The following DNAH11 variants were observed in gnomAD, a reference collection of about 807,000 sequenced individuals.
DNAH11 encodes axonemal beta dynein heavy chain 11.
A neutral mutation model predicts 526.0 loss-of-function variants in DNAH11; 442 were observed. That is an observed-to-expected ratio of 0.84 (90% CI 0.78 to 0.91). The LOEUF (loss-of-function observed/expected upper bound fraction) is 0.91, where lower values mean the gene tolerates loss of function less well. Among genes scored for constraint, DNAH11 ranks in the 40% least tolerant of loss-of-function variants. The probability of loss-of-function intolerance (pLI) is 0.00; values close to 1 mark genes in which losing one functional copy is unlikely to be tolerated. For synonymous variants in DNAH11, 2,461 were observed against 1,935.9 expected (o/e 1.27, Z -7.12); for missense variants, 6,989 against 5,448.7 (o/e 1.28, Z -8.90).
At chr7:21,897,752 G>A (rs1311187357) in intron 79 of DNAH11, among the ~76,000 whole-genome samples, 3 of 152,118 alleles carry the variant, frequency 2.0e-5, no homozygotes, top group Non-Finnish European at 4.4e-5. Context: ...TAGTAGCTGG[G>A]ATTACAGGCA....
At chr7:21,763,444 A>G (rs890781516) in intron 54 of DNAH11, among the ~76,000 whole-genome samples, 1 of 152,052 alleles carries the variant, frequency 6.6e-6, no homozygotes, top group Non-Finnish European at 1.5e-5. Context: ...CAAAACCACA[A>G]TGAAGCATCA....
intron 25 of DNAH11, among the ~76,000 whole-genome samples, chr7:21,629,620 T>G (rs901567505): frequency 1.3e-5 from 2 of 152,162 alleles, no homozygotes; most frequent in Non-Finnish European, 2.9e-5. Context: ...AGATATTTAA[T>G]ACTTATAATT....
intron 30 of DNAH11, among the ~76,000 whole-genome samples, 167 bp downstream of exon 30, chr7:21,659,198 C>A (rs560451861): frequency 6.6e-6 from 1 of 150,458 alleles, no homozygotes; most frequent in East Asian, 2.0e-4. Context: ...TTTGTGGTAT[C>A]CTTCTAGATT....
At chr7:21,875,305 A>G (rs1039536071) in intron 74 of DNAH11, among the ~76,000 whole-genome samples, 1 of 152,196 alleles carries the variant, frequency 6.6e-6, no homozygotes, top group African/African-American at 2.4e-5. Flanking sequence ...AATTTGATTT[A>G]TTTAAATAGG....
intron 45 of DNAH11, among the ~76,000 whole-genome samples, chr7:21,734,472 C>G (rs1361754048): frequency 6.6e-6 from 1 of 152,220 alleles, no homozygotes; most frequent in Non-Finnish European, 1.5e-5. Context: ...ACAGAACAGT[C>G]TGTCTTTTAG....
chr7:21,710,257 C>T (rs547664153), intron 40 of DNAH11, among the ~76,000 whole-genome samples: 20 of 152,200 alleles, frequency 1.3e-4, no homozygotes, highest in East Asian at 9.7e-4. Context: ...GTTTTAGGTA[C>T]GTTACCTTCT....
At chr7:21,726,220 G>T (rs972533153) in intron 45 of DNAH11, among the ~76,000 whole-genome samples, 12 of 152,062 alleles carry the variant, frequency 7.9e-5, no homozygotes, top group Admixed American at 7.9e-4. Context: ...AGTGAGGGGG[G>T]AGGTGCTGCA....
chr7:21,556,482 T>A (rs1783220702), intron 2 of DNAH11, among the ~76,000 whole-genome samples: 1 of 152,208 alleles, frequency 6.6e-6, no homozygotes. Flanking sequence ...AGTCTCCCAG[T>A]AGGTAATGCA....
chr7:21,649,698 C>T (rs912882599), intron 28 of DNAH11, among the ~76,000 whole-genome samples: 2 of 150,266 alleles, frequency 1.3e-5, no homozygotes, highest in Non-Finnish European at 3.0e-5. Context: ...CACTCTGTCA[C>T]CCATGCTGGA....
rs2128473923 is a variant in DNAH11, at chr7:21,687,133, A to G, written c.5656A>G (p.Thr1886Ala). The G allele has an allele frequency of 6.2e-7, 1 of 1,613,536 alleles. No individual in the cohort carries two copies. The highest frequency in any genetic ancestry group is 1.7e-4 in the Middle Eastern group (1 of 6,060). The change falls in exon 33 of 82, where the codon ACC (threonine) becomes GCC (alanine). Residue 1886 changes from threonine to alanine, a missense_variant. By Grantham distance (58) the Thr-to-Ala change is moderately conservative. Transcript: ENST00000409508. ...TACCTTAACTCAATCACTTCATCTA[A>G]CCATGAGTGGGGCTCCTGCTGGCCC... ...YITLTQSLHL[T>A]MSGAPAGPAG...
chr7:21,885,050 A>G (rs1226415398), intron 76 of DNAH11, among the ~76,000 whole-genome samples: 3 of 151,082 alleles, frequency 2.0e-5, no homozygotes, highest in Non-Finnish European at 1.5e-5. Context: ...ATAAATATAT[A>G]TAATTATTAT....
chr7:21,606,688 C>T lies in DNAH11; in HGVS notation c.3807C>T (p.Ala1269=), dbSNP rs1403467638. 4 of 1,609,378 alleles carry T rather than the reference C, an allele frequency of 2.5e-6. No homozygotes were observed. The highest frequency in any genetic ancestry group is 1.1e-5 in the South Asian group (1 of 90,640). Residue 1269 remains alanine, a synonymous_variant, in exon 20 of 82, where the codon GCC becomes GCT. Coordinates refer to ENST00000409508, the MANE Select transcript of DNAH11 (RefSeq NM_001277115.2). ...TCAGAGAGAGATTCAGACACTATGC[C>T]CCTCTTGGATTTAATGCAGAAAATC... ...AEFRERFRHY[A]PLGFNAENPY... is the part of the protein sequence containing the mutation.
At chr7:21,683,641 GC>G (rs1425268873) in intron 31 of DNAH11, 142 bp from the exon 32 acceptor site, 1 of 788,182 alleles carries the variant, frequency 1.3e-6, no homozygotes, top group Admixed American at 2.8e-5. Flanking sequence ...CCATGTATAT[GC>G]TATTATAATT....
intron 54 of DNAH11, among the ~76,000 whole-genome samples, chr7:21,752,032 C>A (rs772127154): frequency 6.6e-6 from 1 of 152,222 alleles, no homozygotes; most frequent in African/African-American, 2.4e-5. Flanking sequence ...TTTAAAAATG[C>A]ATTTTCTCCA....
At chr7:21,825,235 G>C (rs1790229811) in intron 65 of DNAH11, among the ~76,000 whole-genome samples, 1 of 152,092 alleles carries the variant, frequency 6.6e-6, no homozygotes, top group East Asian at 1.9e-4. Context: ...CTTATTGAAG[G>C]CCATTTTGGT....
chr7:21,779,694 GT>G (rs1246365448), intron 57 of DNAH11, among the ~76,000 whole-genome samples: 1 of 152,134 alleles, frequency 6.6e-6, no homozygotes, highest in Non-Finnish European at 1.5e-5. Flanking sequence ...TAAGTACACT[GT>G]CTTTTGTCAT....
intron 28 of DNAH11, among the ~76,000 whole-genome samples, chr7:21,647,128 C>A (rs1035729437): frequency 6.6e-6 from 1 of 151,978 alleles, no homozygotes; most frequent in African/African-American, 2.4e-5. Flanking sequence ...CTAGGACTTC[C>A]CAAAGTGCGG....
At chr7:21,886,386 A>G (rs1784125678) in intron 76 of DNAH11, among the ~76,000 whole-genome samples, 1 of 152,214 alleles carries the variant, frequency 6.6e-6, no homozygotes, top group Non-Finnish European at 1.5e-5. Flanking sequence ...ACTACTTTTA[A>G]TAATGTGGAA....
intron 65 of DNAH11, among the ~76,000 whole-genome samples, chr7:21,820,948 G>C (rs55993044): frequency 0.48 from 73,276 of 151,970 alleles, 18,823 homozygotes; most frequent in Non-Finnish European, 0.58. Context: ...CCTAGAGTCA[G>C]AGTCTAGTTA....
Sources: gnomAD v4.1 joint callset for allele counts (sites outside exome capture counted in the v4.1 genomes callset) on GRCh38, gnomAD v4.1.1 for gene constraint, MANE v1.5 for transcripts, NCBI Gene and HGNC (gene_info 2026-07-23, HGNC 2026-07-21) for gene names.